ADAMTSL1: variants seen among roughly 807,000 people sequenced by gnomAD.
The protein encoded by ADAMTSL1 is ADAMTS-like protein 1.
In ADAMTSL1, 126 loss-of-function variants were observed where a neutral mutation model predicts 201.8. The ratio of observed to expected loss-of-function variants is 0.62; its 90% CI spans 0.54 to 0.72. The LOEUF (loss-of-function observed/expected upper bound fraction) is 0.72, where lower values mean the gene tolerates loss of function less well. Ranked by LOEUF, ADAMTSL1 falls within the 30% of genes least tolerant of loss-of-function variation. The pLI is 0.00. For synonymous variants in ADAMTSL1, 1,121 were observed against 903.4 expected, an observed-to-expected ratio of 1.24 and a Z score of -4.32; for missense variants, 2,679 against 2,277.8, an observed-to-expected ratio of 1.18 and a Z score of -3.59.
intron 1 of ADAMTSL1, among the ~76,000 whole-genome samples, chr9:17,966,021 C>G (rs1218906564): frequency 2.6e-5 from 4 of 152,144 alleles, no homozygotes; most frequent in Non-Finnish European, 5.9e-5. Context: ...AAACGAATCT[C>G]CTGTTTCTGA....
At chr9:18,649,496 G>GT (rs1414875418) in intron 7 of ADAMTSL1, among the ~76,000 whole-genome samples, 3 of 152,098 alleles carry the variant, frequency 2.0e-5, no homozygotes, top group Non-Finnish European at 4.4e-5. Context: ...TTTCTGCTCT[G>GT]TTTTCTCCCC....
intron 2 of ADAMTSL1, among the ~76,000 whole-genome samples, chr9:18,450,761 G>A (rs773578883): frequency 6.6e-6 from 1 of 152,300 alleles, no homozygotes; most frequent in South Asian, 2.1e-4. Context: ...TTTGACAATA[G>A]TTGAGAGAGT....
chr9:18,294,479 T>A (rs752120846), intron 2 of ADAMTSL1, among the ~76,000 whole-genome samples: 3 of 152,348 alleles, frequency 2.0e-5, no homozygotes, highest in South Asian at 2.1e-4. Flanking sequence ...TGTGTTTTCC[T>A]GGGGCTGAGT....
intron 2 of ADAMTSL1, among the ~76,000 whole-genome samples, chr9:18,332,953 G>A (rs1410701310): frequency 6.6e-6 from 1 of 152,114 alleles, no homozygotes; most frequent in Non-Finnish European, 1.5e-5. Context: ...AGCGTATGAG[G>A]AATAAAATGG....
At chr9:18,638,506 A>G (rs1414921520) in intron 6 of ADAMTSL1, among the ~76,000 whole-genome samples, 1 of 152,032 alleles carries the variant, frequency 6.6e-6, no homozygotes, top group African/African-American at 2.4e-5. Flanking sequence ...GAATCACACA[A>G]CATAATTACC....
chr9:18,406,289 T>TTTTTTCTTTTCTTTTC (rs1554673591), intron 2 of ADAMTSL1, among the ~76,000 whole-genome samples: 1 of 117,438 alleles, frequency 8.5e-6, no homozygotes, highest in Non-Finnish European at 1.7e-5. Context: ...ATAAGACAGT[T>TTTTTTCTTTTCTTTTC]TTTTCTTTTC....
chr9:18,516,429 C>A (rs1291085420), intron 2 of ADAMTSL1, among the ~76,000 whole-genome samples: 1 of 152,204 alleles, frequency 6.6e-6, no homozygotes, highest in Non-Finnish European at 1.5e-5. Context: ...ATATACCAAC[C>A]TCAAATAGCT....
chr9:18,571,553 T>A (rs191888666), intron 3 of ADAMTSL1, among the ~76,000 whole-genome samples: 117 of 152,332 alleles, frequency 7.7e-4, no homozygotes, highest in African/African-American at 2.8e-3. Flanking sequence ...AACTGTCAGT[T>A]CAACTTTAGA....
At chr9:18,677,003 C>T (rs1830168138) in intron 10 of ADAMTSL1, among the ~76,000 whole-genome samples, 1 of 151,938 alleles carries the variant, frequency 6.6e-6, no homozygotes, top group South Asian at 2.1e-4. Flanking sequence ...CGCAAATATG[C>T]ATTCATATAT....
intron 10 of ADAMTSL1, 78 bp downstream of exon 10, chr9:18,675,985 A>G: frequency 7.8e-7 from 1 of 1,276,082 alleles, no homozygotes; most frequent in South Asian, 1.2e-5. Flanking sequence ...AGAGATATAC[A>G]TATACATAGA....
intron 1 of ADAMTSL1, among the ~76,000 whole-genome samples, chr9:18,034,940 C>A (rs1307508658): frequency 6.6e-6 from 1 of 152,132 alleles, no homozygotes; most frequent in Non-Finnish European, 1.5e-5. Context: ...TTGTTCTAGT[C>A]TTCACTTTCC....
At chr9:18,244,652 T>C (rs560948264) in intron 2 of ADAMTSL1, among the ~76,000 whole-genome samples, 1 of 152,248 alleles carries the variant, frequency 6.6e-6, no homozygotes, top group African/African-American at 2.4e-5. Flanking sequence ...TTCTCCTACC[T>C]ACTGGGCATT....
At chr9:17,916,157 G>A (rs925538825) in intron 1 of ADAMTSL1, among the ~76,000 whole-genome samples, 5 of 152,208 alleles carry the variant, frequency 3.3e-5, no homozygotes, top group South Asian at 2.1e-4. Flanking sequence ...CAGGCCTCAA[G>A]TGGTCTGCTC....
At chr9:18,673,004 A>G (rs1434461891) in intron 9 of ADAMTSL1, among the ~76,000 whole-genome samples, 1 of 152,158 alleles carries the variant, frequency 6.6e-6, no homozygotes, top group Non-Finnish European at 1.5e-5. Context: ...TAATGAAGGC[A>G]CTGGAGAATG....
intron 1 of ADAMTSL1, among the ~76,000 whole-genome samples, chr9:17,995,623 T>C (rs1819343163): frequency 6.6e-6 from 1 of 152,102 alleles, no homozygotes; most frequent in South Asian, 2.1e-4. Context: ...CAGTAATTTG[T>C]TTTAATTCTG....
At chr9:18,755,073 C>A (rs1308681084) in intron 16 of ADAMTSL1, among the ~76,000 whole-genome samples, 1 of 152,180 alleles carries the variant, frequency 6.6e-6, no homozygotes, top group Non-Finnish European at 1.5e-5. Flanking sequence ...TATACCAAAC[C>A]TATTGTGTAT....
At chr9:18,287,693 C>T (rs1345881756) in intron 2 of ADAMTSL1, among the ~76,000 whole-genome samples, 2 of 142,554 alleles carry the variant, frequency 1.4e-5, no homozygotes, top group South Asian at 2.1e-4. Flanking sequence ...AAATATATTA[C>T]ATATATGTAC....
intron 2 of ADAMTSL1, among the ~76,000 whole-genome samples, chr9:18,219,938 G>A (rs886214507): frequency 2.6e-5 from 4 of 151,756 alleles, no homozygotes; most frequent in Admixed American, 6.6e-5. Flanking sequence ...CTGTGTAAAC[G>A]TATCAGAAAA....
intron 20 of ADAMTSL1, among the ~76,000 whole-genome samples, chr9:18,802,239 C>A (rs1029097208): frequency 3.3e-5 from 5 of 152,210 alleles, no homozygotes; most frequent in Admixed American, 6.5e-5. Context: ...CCACTGCACT[C>A]CAGCCTGAGT....
Sources: allele counts gnomAD v4.1 joint callset (sites outside exome capture counted in the v4.1 genomes callset), GRCh38; gene constraint gnomAD v4.1.1; transcripts MANE v1.5; gene names NCBI Gene and HGNC (gene_info 2026-07-23, HGNC 2026-07-21).